Variants in CBX2 observed in about 807,000 individuals in gnomAD.
CBX2 encodes chromobox 2, also known as chromobox protein homolog 2.
CBX2 carries 11 observed loss-of-function variants against 21.0 expected under a neutral mutation model. The observed-to-expected ratio is 0.52, with a 90% CI of 0.33 to 0.87. The LOEUF (loss-of-function observed/expected upper bound fraction) is 0.87, where lower values mean the gene tolerates loss of function less well. CBX2 is among the 40% of genes least tolerant of loss of function. The probability of loss-of-function intolerance (pLI) is 0.02; values close to 1 mark genes in which losing one functional copy is unlikely to be tolerated. For missense variants in CBX2, 746 were observed against 724.3 expected (o/e 1.03, Z -0.34); for synonymous variants, 364 against 304.6 (o/e 1.19, Z -2.03).
upstream of CBX2, among the ~76,000 whole-genome samples, chr17:79,777,935 GCCCCCGCCCGGGGCCCCGCGCGGGAC>G (rs1480956424): frequency 8.4e-5 from 11 of 130,580 alleles, no homozygotes; most frequent in East Asian, 4.5e-4. Flanking sequence ...CCCCGCCCCC[GCCCCCGCCCGGGGCCCCGCGCGGGAC>G]CCCCCGCCGG....
At position 79,778,284 on chromosome 17, in the gene CBX2, A is replaced by G. The variant is rs1555829376; in HGVS notation, c.49A>G (p.Ile17Val). 6.5e-7 allele frequency: 1 copy of G among 1,548,214 alleles called. No individual in the cohort carries two copies. The highest frequency in any genetic ancestry group is 8.7e-7 in the Non-Finnish European group (1 of 1,153,744). ...VGEQVFAAEC[I>V]LSKRLRKGKL... ...CGAGCAGGTCTTCGCCGCCGAGTGCATCCTGAGCAAGCGGCTCCGCAAGGT... is the reference window on the plus strand; with the variant it reads ...CGAGCAGGTCTTCGCCGCCGAGTGCGTCCTGAGCAAGCGGCTCCGCAAGGT... Residue 17 changes from isoleucine (I) to valine (V), a missense_variant, in exon 1 of 5, where the codon ATC becomes GTC. By Grantham distance (29) the Ile-to-Val change is conservative. This residue lies in a region of CBX2 where 45 missense variants were observed against 73.6 expected (regional missense o/e 0.61). Coordinates refer to ENST00000310942, the MANE Select transcript of CBX2 (RefSeq NM_005189.3). This position sits in a 1 kb window ranked among gnomAD's most constrained non-coding sequence, Gnocchi z 4.8.
At position 79,782,317 on chromosome 17, in the gene CBX2, G is replaced by A. The variant is rs1907286876; in HGVS notation, c.288+516G>A. ...CTTGGAGGAGGGCAGAGGCAGTGTG[G>A]GCTGATGATGTGCTTTGGCCTTCTC... On this transcript the variant is annotated intron_variant, in intron 4 of 4. Coordinates refer to ENST00000310942, the MANE Select transcript of CBX2 (RefSeq NM_005189.3). 4.7e-6 allele frequency: 7 copies of A among 1,500,566 alleles called. 1 individual carries two copies. In the South Asian group the frequency reaches 7.9e-5, roughly 17 times the overall value. The allele number at this position is 1,500,566 out of a possible 1,614,324, so 93.0% of individuals were successfully genotyped here.
At position 79,784,203 on chromosome 17, in the gene CBX2, A is replaced by G. The variant is rs782708781; in HGVS notation, c.760A>G (p.Ser254Gly). Residue 254 changes from serine (S) to glycine (G), a missense_variant, in exon 5 of 5, where the codon AGC (serine) becomes GGC (glycine). Ser to Gly is a moderately conservative substitution (Grantham distance 56). Around this residue, in one of 2 missense-constraint regions of CBX2, gnomAD observed 701 missense variants for 650.7 expected, o/e 1.08. Coordinates refer to ENST00000310942, the MANE Select transcript of CBX2 (RefSeq NM_005189.3). The surrounding 1 kb of genome is among the most constrained non-coding windows in gnomAD (Gnocchi z 5.9). Reference sequence around the variant, plus strand: ...CGGCCGGGGTGGCATCAGCTGGCAGAGCTCCATCGTGCACTACATGAACCG... The same window carrying G: ...CGGCCGGGGTGGCATCAGCTGGCAGGGCTCCATCGTGCACTACATGAACCG... ...SPGRGGISWQ[S>G]SIVHYMNRMT... 6.8e-6 allele frequency: 11 copies of G among 1,612,624 alleles called. No homozygotes were observed. The Admixed American group carries it at 1.5e-4, about 22-fold the overall frequency.
intron 3 of CBX2, chr17:79,779,791 G>C: frequency 3.1e-6 from 1 of 320,858 alleles, no homozygotes; most frequent in South Asian, 3.0e-5. Flanking sequence ...AGAAAACCAG[G>C]AGAGCAGGTT....
In CBX2 at chr17:79,782,155, CAT is replaced by C. The variant is rs782630623; in HGVS notation, c.288+356_288+357del. On this transcript the variant is annotated intron_variant, in intron 4 of 4. Coordinates refer to ENST00000310942, the MANE Select transcript of CBX2 (RefSeq NM_005189.3). Reference sequence around the variant, plus strand: ...AGGAAGCATGCGTACAGTAGGTGCTCATAGGATTGCCGGCTGGATGTGACTCA... The same window carrying C: ...AGGAAGCATGCGTACAGTAGGTGCTCAGGATTGCCGGCTGGATGTGACTCA... 6 of 1,612,752 alleles carry C rather than the reference CAT, an allele frequency of 3.7e-6. No homozygotes were observed. The East Asian group carries it at 1.3e-4, about 36-fold the overall frequency.
rs144741480 is a variant in CBX2 at position 79,779,641 on chromosome 17, C to T, written c.182+214C>T. Reference sequence around the variant, plus strand: ...TCTCCTAGCCAGCCTGTATCCATCCCTGAGAAGAACCTAAGTAAGTGCTGC... The same window carrying T: ...TCTCCTAGCCAGCCTGTATCCATCCTTGAGAAGAACCTAAGTAAGTGCTGC... On this transcript the variant is annotated intron_variant, in intron 3 of 4. Coordinates refer to ENST00000310942, the MANE Select transcript of CBX2 (RefSeq NM_005189.3). 644 of 596,674 alleles carry T rather than the reference C, an allele frequency of 1.1e-3. 13 individuals carry two copies. The East Asian group carries it at 0.017, about 16-fold the overall frequency. The allele number at this position is 596,674 out of a possible 1,614,324, so 37.0% of individuals were successfully genotyped here.
Position 79,785,053 on chromosome 17 carries a change from C to G in CBX2, c.*11C>G. 5 of 1,594,534 alleles carry G rather than the reference C, an allele frequency of 3.1e-6. No individual in the cohort carries two copies. Among genetic ancestry groups the G allele is most frequent in the Non-Finnish European group, 4.3e-6 (5 of 1,175,636 alleles). The stretch of plus-strand genomic sequence containing the variant: ...CTGAGGCATTACTGAAGCCCCGGCG[C>G]CACCAGCTGCGCGGTCTTACTCCCC... On this transcript the variant is annotated 3_prime_UTR_variant, in exon 5 of 5. Transcript: ENST00000310942.
At chr17:79,783,410 CTTTT>C (rs67444092) in intron 4 of CBX2, among the ~76,000 whole-genome samples, 4 of 140,616 alleles carry the variant, frequency 2.8e-5, no homozygotes, top group African/African-American at 2.6e-5. Context: ...TCTCCTTTAT[CTTTT>C]TTTTTTTTTT....
rs1488176755 is a variant in CBX2, at chr17:79,785,203, C to G, written c.*161C>G. ...AGGCTTGGAAGGGACTTCTCCCGCA[C>G]CCCACTCTGTCCCAGGACATAGGGC... is the stretch of plus-strand genomic sequence containing the variant. On this transcript the variant is annotated 3_prime_UTR_variant, in exon 5 of 5. Transcript: ENST00000310942. 4.4e-5 allele frequency: 29 copies of G among 662,388 alleles called. No homozygotes were observed. Among genetic ancestry groups the G allele is most frequent in the Non-Finnish European group, 7.5e-5 (28 of 372,770 alleles). The allele number at this position is 662,388 out of a possible 1,614,324, so 41.0% of individuals were successfully genotyped here.
In CBX2 at chr17:79,781,889, G is replaced by C. The variant is rs372221174; in HGVS notation, c.288+88G>C. On this transcript the variant is annotated intron_variant, in intron 4 of 4. Coordinates refer to ENST00000310942, the MANE Select transcript of CBX2 (RefSeq NM_005189.3). ...GCAGAGGGAGGGTTTGGGGCCCTCA[G>C]GAAGGGGGTGGCACTTCTGCCAACA... The C allele has an allele frequency of 6.1e-5, 99 of 1,614,076 alleles. 1 individual carries two copies. The highest frequency in any genetic ancestry group is 8.1e-5 in the Non-Finnish European group (95 of 1,180,034).
At position 79,778,449 on chromosome 17, in the gene CBX2, GC is replaced by G; in HGVS notation, c.116+28del. On this transcript the variant is annotated intron_variant, in intron 2 of 4. Transcript: ENST00000310942. This position sits in a 1 kb window ranked among gnomAD's most constrained non-coding sequence, Gnocchi z 4.8. ...CCAAGTGAGTCCCCCGCGACGCCGC[GC>G]CCCCCTCCCGCCCCCTCGCCCGGGG... The G allele has an allele frequency of 5.4e-6, 8 of 1,491,694 alleles. No individual in the cohort carries two copies. The highest frequency in any genetic ancestry group is 1.2e-5 in the South Asian group (1 of 82,244). 92.4% of individuals were successfully genotyped at this position (1,491,694 alleles called of 1,614,324 possible).
intron 3 of CBX2, among the ~76,000 whole-genome samples, chr17:79,780,771 G>A (rs1301322348): frequency 1.3e-5 from 2 of 152,154 alleles, no homozygotes; most frequent in African/African-American, 2.4e-5. Flanking sequence ...CCTTGGCGAC[G>A]CACAGGATCA....
chr17:79,778,819 T>C lies in CBX2; in HGVS notation c.116+392T>C, dbSNP rs1318859181. 6.6e-6 allele frequency among the ~76,000 whole-genome samples: 1 copy of C among 152,016 alleles called. No homozygotes were observed. Among genetic ancestry groups the C allele is most frequent in the Non-Finnish European group, 1.5e-5 (1 of 67,972 alleles). On this transcript the variant is annotated intron_variant, in intron 2 of 4. Coordinates refer to ENST00000310942, the MANE Select transcript of CBX2 (RefSeq NM_005189.3). This position sits in a 1 kb window ranked among gnomAD's most constrained non-coding sequence, Gnocchi z 4.8. ...TTCTTTTTTTTTTTCTTTCTTTTAATGGAAGGGAGGGTGTTTGGCATCCCC... is the reference window on the plus strand; with the variant it reads ...TTCTTTTTTTTTTTCTTTCTTTTAACGGAAGGGAGGGTGTTTGGCATCCCC...
In CBX2 at chr17:79,778,300, T is replaced by C; in HGVS notation, c.65T>C (p.Leu22Pro). Residue 22 changes from leucine to proline, a missense_variant, in exon 1 of 5, where the codon CTC (leucine) becomes CCC (proline). Transcript: ENST00000310942. The surrounding 1 kb of genome is among the most constrained non-coding windows in gnomAD (Gnocchi z 4.8). ...FAAECILSKR[L>P]RKGKLEYLVK... ...GCCGAGTGCATCCTGAGCAAGCGGCTCCGCAAGGTGCGTGCGGCCCGCCGG... is the reference window on the plus strand; with the variant it reads ...GCCGAGTGCATCCTGAGCAAGCGGCCCCGCAAGGTGCGTGCGGCCCGCCGG... 1 of 1,556,022 alleles carries C rather than the reference T, an allele frequency of 6.4e-7. No individual in the cohort carries two copies. Among genetic ancestry groups the C allele is most frequent in the Non-Finnish European group, 8.6e-7 (1 of 1,157,414 alleles).
At chr17:79,782,121 G>T in intron 4 of CBX2, 1 of 1,613,210 alleles carries the variant, frequency 6.2e-7, no homozygotes. Flanking sequence ...TTGGGGGACG[G>T]AAAGGAACAG....
intron 3 of CBX2, among the ~76,000 whole-genome samples, chr17:79,781,161 G>A (rs73420288): frequency 0.022 from 3,305 of 152,206 alleles, 117 homozygotes; most frequent in African/African-American, 0.076. Context: ...GAACAGAGAG[G>A]TATTTTTAAA....
chr17:79,781,062 G>T (rs1042838057), intron 3 of CBX2, among the ~76,000 whole-genome samples: 2 of 58,176 alleles, frequency 3.4e-5, no homozygotes, highest in East Asian at 3.0e-4. Flanking sequence ...TTCTGGGGGC[G>T]GGGGGGGTAC....
Position 79,783,738 on chromosome 17 carries a change from G to C in CBX2, c.295G>C (p.Asp99His). ...CSRRSKLKEPDAPSKSKSSSS... is the reference protein window; with the variant it reads ...CSRRSKLKEPHAPSKSKSSSS... ...TTCTCCTTTATCTTTCCAGGAACCC[G>C]ATGCTCCCTCCAAATCCAAGTCCAG... The change falls in exon 5 of 5, where the codon GAT becomes CAT. Residue 99 changes from aspartate to histidine, a missense_variant. Asp to His is a moderately conservative substitution (Grantham distance 81, BLOSUM62 -1). Coordinates refer to ENST00000310942, the MANE Select transcript of CBX2 (RefSeq NM_005189.3). The C allele has an allele frequency of 6.4e-7, 1 of 1,552,090 alleles. No homozygotes were observed. Among genetic ancestry groups the C allele is most frequent in the Non-Finnish European group, 8.7e-7 (1 of 1,147,140 alleles).
chr17:79,778,155 T>C lies in CBX2; in HGVS notation c.-81T>C, dbSNP rs1286381886. ...CCGGCGCCGGGCGGGGGCGGTGCTT[T>C]GTGTGCTGCCGGCGGGGCGCGCGGC... On this transcript the variant is annotated 5_prime_UTR_variant, in exon 1 of 5. Transcript: ENST00000310942. The surrounding 1 kb of genome is among the most constrained non-coding windows in gnomAD (Gnocchi z 4.8). 10 of 769,046 alleles carry C rather than the reference T, an allele frequency of 1.3e-5. No homozygotes were observed. Among genetic ancestry groups the C allele is most frequent in the Non-Finnish European group, 9.9e-6 (6 of 606,910 alleles). 47.6% of individuals were successfully genotyped at this position (769,046 alleles called of 1,614,324 possible). A position where few individuals can be genotyped will look rare whatever the true frequency, so the allele number is the denominator to read the frequency against.
Sources: gnomAD v4.1 joint callset for allele counts (sites outside exome capture counted in the v4.1 genomes callset) on GRCh38, gnomAD v4.1.1 for gene constraint, gnomAD v4.1.1 regional missense constraint, Gnocchi (gnomAD v3.1) non-coding constraint, MANE v1.5 for transcripts, NCBI Gene and HGNC (gene_info 2026-07-23, HGNC 2026-07-21) for gene names.